Variants in FSHR observed in about 807,000 individuals in gnomAD.
The protein encoded by FSHR is follicle stimulating hormone receptor, also known as follicle-stimulating hormone receptor.
FSHR carries 46 observed loss-of-function variants against 52.1 expected under a neutral mutation model. The observed-to-expected ratio is 0.88, with a 90% CI of 0.70 to 1.13. FSHR has a LOEUF of 1.13. Among genes scored for constraint, FSHR ranks in the 50% most tolerant of loss-of-function variants. The probability of loss-of-function intolerance (pLI) is 0.00; values close to 1 mark genes in which losing one functional copy is unlikely to be tolerated. For synonymous variants in FSHR, 399 were observed against 309.6 expected, an observed-to-expected ratio of 1.29 and a Z score of -3.03; for missense variants, 964 against 834.6, an observed-to-expected ratio of 1.16 and a Z score of -1.91.
At chr2:48,966,455 A>G (rs1011290370) in intron 9 of FSHR, among the ~76,000 whole-genome samples, 1 of 152,244 alleles carries the variant, frequency 6.6e-6, no homozygotes, top group Admixed American at 6.5e-5. Flanking sequence ...GTTCAATGAC[A>G]AATGAAGACT....
intron 4 of FSHR, among the ~76,000 whole-genome samples, chr2:49,006,136 G>A (rs921009953): frequency 6.6e-6 from 1 of 152,010 alleles, no homozygotes; most frequent in Non-Finnish European, 1.5e-5. Context: ...GGCCTGTTGT[G>A]GGACCTTGTG....
At chr2:49,104,554 T>G (rs1025501200) in intron 1 of FSHR, among the ~76,000 whole-genome samples, 2 of 152,206 alleles carry the variant, frequency 1.3e-5, no homozygotes, top group South Asian at 2.1e-4. Flanking sequence ...CTAGTCAAGC[T>G]GTATTCTTGA....
intron 4 of FSHR, among the ~76,000 whole-genome samples, chr2:48,992,999 G>A (rs558105630): frequency 6.7e-4 from 101 of 151,854 alleles, no homozygotes; most frequent in Middle Eastern, 6.8e-3. Context: ...TTTTTTTTCC[G>A]GACTCTCTTT....
At chr2:49,104,992 C>T (rs1475904725) in intron 1 of FSHR, among the ~76,000 whole-genome samples, 1 of 152,074 alleles carries the variant, frequency 6.6e-6, no homozygotes, top group Non-Finnish European at 1.5e-5. Context: ...AATATCCAGG[C>T]AACGAAAATA....
At chr2:49,002,342 G>A (rs948753646) in intron 4 of FSHR, among the ~76,000 whole-genome samples, 1 of 151,954 alleles carries the variant, frequency 6.6e-6, no homozygotes, top group African/African-American at 2.4e-5. Context: ...ATAACCTTTT[G>A]TTAAGAAATG....
At chr2:48,988,877 C>G in intron 6 of FSHR, 100 bp downstream of exon 6, 2 of 968,516 alleles carry the variant, frequency 2.1e-6, no homozygotes, top group Non-Finnish European at 3.3e-6. Flanking sequence ...GGAGAAATGC[C>G]AAAGTTACCC....
intron 2 of FSHR, among the ~76,000 whole-genome samples, chr2:49,024,656 A>T (rs9807991): frequency 0.63 from 96,236 of 152,022 alleles, 30,574 homozygotes; most frequent in East Asian, 0.77. Context: ...AGAGGAGATA[A>T]AGTCCCCCTC....
intron 4 of FSHR, among the ~76,000 whole-genome samples, chr2:49,000,269 G>A (rs4953655): frequency 0.78 from 119,233 of 152,104 alleles, 46,857 homozygotes; most frequent in Admixed American, 0.82. Flanking sequence ...CCCCTAGTCC[G>A]ACAATTAACT....
chr2:49,063,774 T>C (rs2104331781), intron 2 of FSHR, among the ~76,000 whole-genome samples: 1 of 152,252 alleles, frequency 6.6e-6, no homozygotes, highest in Non-Finnish European at 1.5e-5. Flanking sequence ...AGGGCAACTA[T>C]AATTAACAAC....
chr2:49,127,287 C>G (rs549599168), intron 1 of FSHR, among the ~76,000 whole-genome samples: 2 of 150,930 alleles, frequency 1.3e-5, no homozygotes, highest in East Asian at 1.9e-4. Context: ...GAGATTGTAC[C>G]ACTGCACTCC....
intron 2 of FSHR, among the ~76,000 whole-genome samples, chr2:49,067,096 C>T (rs1004566845): frequency 6.6e-6 from 1 of 152,020 alleles, no homozygotes; most frequent in Non-Finnish European, 1.5e-5. Flanking sequence ...TTGGAAATCA[C>T]GTAAGCCCCT....
At chr2:49,093,858 A>C (rs1444141955) in intron 1 of FSHR, among the ~76,000 whole-genome samples, 1 of 152,054 alleles carries the variant, frequency 6.6e-6, no homozygotes, top group African/African-American at 2.4e-5. Context: ...TGGCCTTCCA[A>C]ATTGCTAGGA....
In FSHR at chr2:49,140,791, AT is replaced by A. The variant is rs796404361; in HGVS notation, c.152+13474del. Reference sequence around the variant, plus strand: ...GCTATGAGGTCATGATAGATCAATAATTTTTTTTTCCTGAACTCTATGGGAT... The same window carrying A: ...GCTATGAGGTCATGATAGATCAATAATTTTTTTTCCTGAACTCTATGGGAT... On this transcript the variant is annotated intron_variant, in intron 1 of 9. Coordinates refer to ENST00000406846, the MANE Select transcript of FSHR (RefSeq NM_000145.4). Among the ~76,000 whole-genome samples the A allele has an allele frequency of 4.1e-3, 620 of 151,686 alleles. 6 individuals carry two copies. Among genetic ancestry groups the A allele is most frequent in the African/African-American group, 0.013 (530 of 41,334 alleles).
At chr2:49,026,570 T>C (rs1667917341) in intron 2 of FSHR, among the ~76,000 whole-genome samples, 1 of 152,148 alleles carries the variant, frequency 6.6e-6, no homozygotes, top group South Asian at 2.1e-4. Flanking sequence ...TTTTAGTACA[T>C]TTTCTGTGCA....
chr2:49,062,936 C>T (rs1190048816), intron 2 of FSHR, among the ~76,000 whole-genome samples: 1 of 151,968 alleles, frequency 6.6e-6, no homozygotes, highest in Non-Finnish European at 1.5e-5. Flanking sequence ...TAAACAAATA[C>T]TGGCAAGGAT....
intron 1 of FSHR, among the ~76,000 whole-genome samples, chr2:49,127,439 G>A (rs1390229590): frequency 6.6e-6 from 1 of 151,988 alleles, no homozygotes; most frequent in African/African-American, 2.4e-5. Context: ...GCATCATGGA[G>A]AAAAAGGAAA....
intron 2 of FSHR, among the ~76,000 whole-genome samples, chr2:49,050,466 C>T (rs1668814174): frequency 6.6e-6 from 1 of 152,146 alleles, no homozygotes. Flanking sequence ...TAAATGTCAC[C>T]AAAGGAAGCT....
intron 1 of FSHR, among the ~76,000 whole-genome samples, chr2:49,089,139 A>C (rs1444703984): frequency 7.1e-6 from 1 of 139,920 alleles, no homozygotes; most frequent in East Asian, 2.0e-4. Context: ...TTGAGGAATG[A>C]TTTATTTAAT....
chr2:49,053,435 A>G (rs562698387), intron 2 of FSHR, among the ~76,000 whole-genome samples: 1 of 152,242 alleles, frequency 6.6e-6, no homozygotes, highest in African/African-American at 2.4e-5. Flanking sequence ...CCCCCACCCT[A>G]TTCAATGTAA....
Sources: allele counts gnomAD v4.1 joint callset (sites outside exome capture counted in the v4.1 genomes callset), GRCh38; gene constraint gnomAD v4.1.1; transcripts MANE v1.5; gene names NCBI Gene and HGNC (gene_info 2026-07-23, HGNC 2026-07-21).